The following RANGAP1 variants were observed in gnomAD, a reference collection of about 807,000 sequenced individuals.
RANGAP1 encodes the protein ran GTPase-activating protein 1.
In RANGAP1, 38 loss-of-function variants were observed where a neutral mutation model predicts 63.5. The observed-to-expected ratio is 0.60, with a 90% CI of 0.46 to 0.78. RANGAP1 has a LOEUF of 0.78. Among genes scored for constraint, RANGAP1 ranks in the 30% least tolerant of loss-of-function variants. The probability of loss-of-function intolerance (pLI) is 0.00; values close to 1 mark genes in which losing one functional copy is unlikely to be tolerated. For synonymous variants in RANGAP1, 329 were observed against 310.5 expected (o/e 1.06, Z -0.63); for missense variants, 630 against 740.3 (o/e 0.85, Z 1.73).
intron 3 of RANGAP1, among the ~76,000 whole-genome samples, chr22:41,273,611 CA>C (rs2034960107): frequency 6.6e-6 from 1 of 150,818 alleles, no homozygotes; most frequent in Non-Finnish European, 1.5e-5. Flanking sequence ...ACTAAAAATA[CA>C]AAAAATTAGC....
At chr22:41,262,903 C>T (rs1327961484) in intron 5 of RANGAP1, among the ~76,000 whole-genome samples, 2 of 152,190 alleles carry the variant, frequency 1.3e-5, no homozygotes, top group African/African-American at 2.4e-5. Flanking sequence ...TCTCATGGTG[C>T]ATGGCACAGA....
At chr22:41,256,885 G>T in intron 7 of RANGAP1, 61 bp from the exon 8 acceptor site, 1 of 1,356,204 alleles carries the variant, frequency 7.4e-7, no homozygotes, top group Non-Finnish European at 1.0e-6. Flanking sequence ...CCCTCAGCAA[G>T]CCCCGGGGGC....
intron 2 of RANGAP1, among the ~76,000 whole-genome samples, chr22:41,280,465 G>A (rs1216693883): frequency 6.6e-6 from 1 of 152,196 alleles, no homozygotes; most frequent in Admixed American, 6.5e-5. Flanking sequence ...CCTCTCCCAG[G>A]TACATCTGGT....
intron 1 of RANGAP1, chr22:41,282,275 G>C (rs563757470): frequency 2.0e-5 from 3 of 152,234 alleles, no homozygotes; most frequent in Non-Finnish European, 2.9e-5. Context: ...ACTCCAGCCT[G>C]GGCAACAGCG....
chr22:41,250,712 G>A (rs567501689), intron 13 of RANGAP1, among the ~76,000 whole-genome samples: 9 of 152,272 alleles, frequency 5.9e-5, no homozygotes, highest in Non-Finnish European at 1.0e-4. Flanking sequence ...ATAGACCTGC[G>A]TCCATTGGGC....
At chr22:41,281,231 G>A in intron 1 of RANGAP1, 149 bp from the exon 2 acceptor site, 1 of 984,992 alleles carries the variant, frequency 1.0e-6, no homozygotes, top group Non-Finnish European at 1.4e-6. Context: ...AAGGAAAACA[G>A]CATCAGAGAA....
chr22:41,297,602 C>A, the RANGAP1 span, among the ~76,000 whole-genome samples: 1 of 148,212 alleles, frequency 6.7e-6, no homozygotes, highest in Admixed American at 6.8e-5. Flanking sequence ...CCTCCACCTT[C>A]TTGGCTCAAG....
intron 2 of RANGAP1, among the ~76,000 whole-genome samples, chr22:41,277,291 G>C (rs1303608316): frequency 1.3e-5 from 2 of 151,716 alleles, no homozygotes; most frequent in African/African-American, 4.8e-5. Flanking sequence ...TTTTAGCCAG[G>C]ATGGTCTCGA....
At chr22:41,284,456 A>G (rs1395298792) in intron 1 of RANGAP1, among the ~76,000 whole-genome samples, 1 of 151,814 alleles carries the variant, frequency 6.6e-6, no homozygotes, top group Non-Finnish European at 1.5e-5. Flanking sequence ...AATCCCAGCT[A>G]CTCAGGAGGC....
At chr22:41,248,412 G>A (rs894061199) in intron 15 of RANGAP1, among the ~76,000 whole-genome samples, 6 of 152,216 alleles carry the variant, frequency 3.9e-5, no homozygotes, top group Admixed American at 2.6e-4. Context: ...GGGCTGCCGC[G>A]GCACCAGCTG....
intron 4 of RANGAP1, among the ~76,000 whole-genome samples, chr22:41,266,571 C>T (rs1270376148): frequency 6.6e-6 from 1 of 152,190 alleles, no homozygotes; most frequent in Admixed American, 6.5e-5. Context: ...CGCTTTCTCT[C>T]ACCCAAGGTT....
intron 2 of RANGAP1, among the ~76,000 whole-genome samples, chr22:41,275,814 C>T (rs902454214): frequency 2.7e-5 from 4 of 150,500 alleles, no homozygotes; most frequent in South Asian, 2.1e-4. Context: ...GGTGTGGTGG[C>T]GTGCACCTGT....
intron 1 of RANGAP1, among the ~76,000 whole-genome samples, chr22:41,283,493 G>C (rs1032530436): frequency 6.6e-6 from 1 of 151,630 alleles, no homozygotes; most frequent in Non-Finnish European, 1.5e-5. Flanking sequence ...TGGCGACAGA[G>C]CAAGACTCCA....
chr22:41,285,785 T>A, intron 1 of RANGAP1: 1 of 835,140 alleles, frequency 1.2e-6, no homozygotes, highest in Non-Finnish European at 1.4e-6. Context: ...CCTTTAAGCC[T>A]CAGTTTCCCC....
chr22:41,246,581 A>G lies in RANGAP1; in HGVS notation c.*22T>C, dbSNP rs779779748. 45 of 1,531,330 alleles carry G rather than the reference A, an allele frequency of 2.9e-5. No individual in the cohort carries two copies. Among genetic ancestry groups the G allele is most frequent in the Non-Finnish European group, 3.7e-5 (42 of 1,124,380 alleles). 94.9% of individuals were successfully genotyped at this position (1,531,330 alleles called of 1,614,324 possible). On this transcript the variant is annotated 3_prime_UTR_variant, in exon 16 of 16. Transcript: ENST00000356244. Reference sequence around the variant, plus strand: ...CTCCCCAGCTCACTGGTCCAGGCCAAGGGATGGGAGAGGCTTTGAGTCTAG... The same window carrying G: ...CTCCCCAGCTCACTGGTCCAGGCCAGGGGATGGGAGAGGCTTTGAGTCTAG...
intron 11 of RANGAP1, 73 bp from the exon 12 acceptor site, chr22:41,253,064 C>T (rs2033582197): frequency 7.6e-7 from 1 of 1,316,570 alleles, no homozygotes; most frequent in Non-Finnish European, 9.8e-7. Flanking sequence ...TGCCCATCCC[C>T]ACACCCAGCA....
the RANGAP1 span, among the ~76,000 whole-genome samples, chr22:41,291,379 C>T: frequency 2.6e-5 from 4 of 151,886 alleles, no homozygotes; most frequent in Admixed American, 6.6e-5. Flanking sequence ...GGGCAGATCA[C>T]GAGGTCAGGA....
intron 8 of RANGAP1, 32 bp downstream of exon 8, chr22:41,256,679 A>G (rs2033857528): frequency 1.3e-6 from 2 of 1,582,932 alleles, no homozygotes; most frequent in Non-Finnish European, 1.7e-6. Context: ...CACAGACCCC[A>G]GAGGGAGGAC....
At chr22:41,253,676 G>C (rs1356066728) in intron 11 of RANGAP1, among the ~76,000 whole-genome samples, 1 of 151,340 alleles carries the variant, frequency 6.6e-6, no homozygotes, top group African/African-American at 2.4e-5. Flanking sequence ...CTGGTGGGTG[G>C]GGAAAAAAAA....
Sources: allele counts gnomAD v4.1 joint callset (sites outside exome capture counted in the v4.1 genomes callset), GRCh38; gene constraint gnomAD v4.1.1; transcripts MANE v1.5; gene names NCBI Gene and HGNC (gene_info 2026-07-23, HGNC 2026-07-21).